The following MED26 variants were observed in gnomAD, a reference collection of about 807,000 sequenced individuals.
The protein encoded by MED26 is mediator complex subunit 26, also known as mediator of RNA polymerase II transcription subunit 26.
Under a neutral mutation model 43.7 loss-of-function variants are expected in MED26, and 7 were observed. That is an observed-to-expected ratio of 0.16 (90% confidence interval 0.09 to 0.30). The LOEUF (loss-of-function observed/expected upper bound fraction) is 0.30. Among genes scored for constraint, MED26 ranks in the 10% least tolerant of loss-of-function variants. MED26 has a pLI of 1.00. For missense variants in MED26, 784 were observed against 840.6 expected, an observed-to-expected ratio of 0.93 and a Z score of 0.83; for synonymous variants, 375 against 371.1, an observed-to-expected ratio of 1.01 and a Z score of -0.12.
chr19:16,628,064 G>A lies in MED26; in HGVS notation c.-121C>T. Reference sequence around the variant, plus strand: ...AGCCGCATGTTCCCCGCGGCGCCGGGGGGTTGGGGGCGCGCGGGGTGGCGG... The same window carrying A: ...AGCCGCATGTTCCCCGCGGCGCCGGAGGGTTGGGGGCGCGCGGGGTGGCGG... On this transcript the variant is annotated 5_prime_UTR_variant, in exon 1 of 3. Coordinates refer to ENST00000263390, the MANE Select transcript of MED26 (RefSeq NM_004831.5). 1 of 496,618 alleles carries A rather than the reference G, an allele frequency of 2.0e-6. No individual in the cohort carries two copies. The allele number at this position is 496,618 out of a possible 1,614,324, so 30.8% of individuals were successfully genotyped here. A position where few individuals can be genotyped will look rare whatever the true frequency, so the allele number is the denominator to read the frequency against.
chr19:16,579,699 T>TC (rs1281728252), intron 1 of MED26, among the ~76,000 whole-genome samples: 6 of 151,272 alleles, frequency 4.0e-5, no homozygotes, highest in South Asian at 2.1e-4. Context: ...ATTACTCAAC[T>TC]CCCCCCCACC....
intron 1 of MED26, among the ~76,000 whole-genome samples, chr19:16,621,795 T>A (rs1333645776): frequency 6.6e-6 from 1 of 152,014 alleles, no homozygotes; most frequent in Non-Finnish European, 1.5e-5. Context: ...CCTAAGCACA[T>A]CACAGAACTC....
In MED26 at chr19:16,576,511, T is replaced by C. The variant is rs1410445933; in HGVS notation, c.1319A>G (p.Lys440Arg). 2.5e-6 allele frequency: 4 copies of C among 1,614,202 alleles called. No individual in the cohort carries two copies. The highest frequency in any genetic ancestry group is 3.4e-6 in the Non-Finnish European group (4 of 1,180,036). Residue 440 changes from lysine to arginine, a missense_variant, in exon 3 of 3, where the codon AAA becomes AGA. By Grantham distance (26) the Lys-to-Arg change is conservative. This residue lies in a region of MED26 where 719 missense variants were observed against 730.9 expected (regional missense o/e 0.98). Transcript: ENST00000263390. This position sits in a 1 kb window ranked among gnomAD's most constrained non-coding sequence, Gnocchi z 6.8. ...MTRQIKPLTQ[K>R]EPVRADSPVH... ...AGGGCTGTCTGCCCGCACTGGCTCTTTCTGGGTCAGAGGTTTGATCTGTCT... is the reference window on the plus strand; with the variant it reads ...AGGGCTGTCTGCCCGCACTGGCTCTCTCTGGGTCAGAGGTTTGATCTGTCT...
intron 1 of MED26, among the ~76,000 whole-genome samples, chr19:16,602,390 C>G (rs1474834223): frequency 6.6e-6 from 1 of 152,176 alleles, no homozygotes; most frequent in Non-Finnish European, 1.5e-5. Context: ...CCCCACTACC[C>G]TCTCCCCTCA....
At chr19:16,580,362 A>G (rs1599331113) in intron 1 of MED26, among the ~76,000 whole-genome samples, 2 of 149,534 alleles carry the variant, frequency 1.3e-5, no homozygotes, top group South Asian at 2.1e-4. Flanking sequence ...AGCAGAGTTC[A>G]GCTCTTATTT....
chr19:16,580,896 CG>C (rs2086041908), intron 1 of MED26, among the ~76,000 whole-genome samples: 1 of 152,200 alleles, frequency 6.6e-6, no homozygotes, highest in Admixed American at 6.5e-5. Flanking sequence ...CAGATGATCT[CG>C]GATCACCTCC....
chr19:16,617,003 A>G (rs2086229327), intron 1 of MED26, among the ~76,000 whole-genome samples: 1 of 152,130 alleles, frequency 6.6e-6, no homozygotes, highest in African/African-American at 2.4e-5. Flanking sequence ...CTTCCTAAAC[A>G]GATGATGCCA....
intron 1 of MED26, chr19:16,589,518 A>C (rs1446836269): frequency 6.6e-6 from 1 of 152,080 alleles, no homozygotes; most frequent in Non-Finnish European, 1.5e-5. Context: ...AGCCAAACAC[A>C]AAAAAACACA....
intron 1 of MED26, among the ~76,000 whole-genome samples, chr19:16,596,726 C>T (rs769752211): frequency 2.0e-5 from 3 of 152,172 alleles, no homozygotes; most frequent in Non-Finnish European, 2.9e-5. Flanking sequence ...CCACTCCCTT[C>T]GCCCTTCACA....
chr19:16,605,631 T>G (rs528020559), intron 1 of MED26, among the ~76,000 whole-genome samples: 8 of 152,252 alleles, frequency 5.3e-5, no homozygotes, highest in African/African-American at 1.7e-4. Context: ...GAGCAGTGTT[T>G]CTGCACTGTC....
At position 16,576,773 on chromosome 19, in the gene MED26, C is replaced by G. The variant is rs775101702; in HGVS notation, c.1057G>C (p.Gly353Arg). Residue 353 changes from glycine to arginine, a missense_variant, in exon 3 of 3, where the codon GGG becomes CGG. Around this residue, in one of 3 missense-constraint regions of MED26, gnomAD observed 719 missense variants for 730.9 expected, o/e 0.98. Transcript: ENST00000263390. The surrounding 1 kb of genome is among the most constrained non-coding windows in gnomAD (Gnocchi z 6.8). ...GACAGCCCTGCCTTGCAGCCCGGCCCCGCCAGCCGCTGGTGGCTCTCAGGC... is the reference window on the plus strand; with the variant it reads ...GACAGCCCTGCCTTGCAGCCCGGCCGCGCCAGCCGCTGGTGGCTCTCAGGC... Reference protein sequence around the residue: ...EQPESHQRLAGPGCKAGLSPA... With the variant: ...EQPESHQRLARPGCKAGLSPA... 1.2e-6 allele frequency: 2 copies of G among 1,607,096 alleles called. No individual in the cohort carries two copies. Among genetic ancestry groups the G allele is most frequent in the East Asian group, 2.2e-5 (1 of 44,748 alleles).
rs543457186 is a variant in MED26, at chr19:16,607,919, G to A, written c.72+19953C>T. ...GTGAGCCAATGAGGGGTGCTAGACA[G>A]GGCCAATGGGAAACTACGATCACGA... On this transcript the variant is annotated intron_variant, in intron 1 of 2. Coordinates refer to ENST00000263390, the MANE Select transcript of MED26 (RefSeq NM_004831.5). 2.6e-5 allele frequency among the ~76,000 whole-genome samples: 4 copies of A among 152,352 alleles called. No homozygotes were observed. The East Asian group carries it at 7.7e-4, about 29-fold the overall frequency.
intron 1 of MED26, among the ~76,000 whole-genome samples, chr19:16,585,104 C>T (rs2086064668): frequency 6.6e-6 from 1 of 152,136 alleles, no homozygotes; most frequent in Non-Finnish European, 1.5e-5. Flanking sequence ...GGTGAGACCC[C>T]AGGAGCCCCT....
In MED26 at chr19:16,576,627, G is replaced by A. The variant is rs752684167; in HGVS notation, c.1203C>T (p.Asp401=). 6.2e-7 allele frequency: 1 copy of A among 1,614,234 alleles called. No homozygotes were observed. The highest frequency in any genetic ancestry group is 8.5e-7 in the Non-Finnish European group (1 of 1,180,044). ...CCTGCCCGTCCAAGTTAACCGTATA[G>A]TCTCGAGGTCGGTACCTCTTCTTCT... The part of the protein sequence containing the change: ...SKKKKRYRPR[D]YTVNLDGQVA... The change falls in exon 3 of 3, where the codon GAC becomes GAT. Residue 401 remains aspartate, a synonymous_variant. Transcript: ENST00000263390. The surrounding 1 kb of genome is among the most constrained non-coding windows in gnomAD (Gnocchi z 6.8).
intron 2 of MED26, chr19:16,578,087 C>T (rs1224326620): frequency 1.8e-6 from 1 of 550,408 alleles, no homozygotes; most frequent in Non-Finnish European, 3.2e-6. Context: ...CCTCCAAGCA[C>T]ACCTCTCCTG....
chr19:16,609,169 G>A (rs555956063), intron 1 of MED26, among the ~76,000 whole-genome samples: 1 of 151,974 alleles, frequency 6.6e-6, no homozygotes, highest in South Asian at 2.1e-4. Context: ...ACAAAAATTA[G>A]CCGGGTATGG....
chr19:16,614,308 G>A (rs532271512), intron 1 of MED26, among the ~76,000 whole-genome samples: 21 of 152,186 alleles, frequency 1.4e-4, no homozygotes, highest in Admixed American at 1.0e-3. Context: ...CAGGCAGATC[G>A]CTTGAGCTCA....
intron 1 of MED26, among the ~76,000 whole-genome samples, chr19:16,622,509 G>A (rs2086256471): frequency 1.3e-5 from 2 of 152,358 alleles, no homozygotes; most frequent in South Asian, 4.1e-4. Flanking sequence ...TTCTTACTCA[G>A]GAAATGCTTC....
chr19:16,622,418 T>A (rs1388551696), intron 1 of MED26, among the ~76,000 whole-genome samples: 1 of 152,228 alleles, frequency 6.6e-6, no homozygotes, highest in Non-Finnish European at 1.5e-5. Flanking sequence ...GTGACTGAAA[T>A]GTAACTGCAG....
Sources: allele counts gnomAD v4.1 joint callset (sites outside exome capture counted in the v4.1 genomes callset), GRCh38; gene constraint gnomAD v4.1.1; regional missense constraint gnomAD v4.1.1; non-coding constraint Gnocchi (gnomAD v3.1); transcripts MANE v1.5; gene names NCBI Gene and HGNC (gene_info 2026-07-23, HGNC 2026-07-21).